Variants in WIPF1 observed in about 807,000 individuals in gnomAD.
WIPF1 encodes the protein WAS/WASL interacting protein family member 1.
In WIPF1, 13 loss-of-function variants were observed where a neutral mutation model predicts 35.4. The ratio of observed to expected loss-of-function variants is 0.37; its 90% CI spans 0.24 to 0.58. The LOEUF is 0.58. Among genes scored for constraint, WIPF1 ranks in the 20% least tolerant of loss-of-function variants. WIPF1 has a pLI of 0.74. For missense variants in WIPF1, 591 were observed against 667.0 expected (o/e 0.89, Z 1.25); for synonymous variants, 267 against 266.3 (o/e 1.00, Z -0.02).
intron 1 of WIPF1, among the ~76,000 whole-genome samples, chr2:174,662,489 C>T (rs1687799075): frequency 6.6e-6 from 1 of 152,196 alleles, no homozygotes; most frequent in East Asian, 1.9e-4. Context: ...AGCAGAGTCC[C>T]AGTCCTAGTC....
At chr2:174,614,110 A>G (rs1040494822) in intron 1 of WIPF1, among the ~76,000 whole-genome samples, 5 of 152,244 alleles carry the variant, frequency 3.3e-5, no homozygotes, top group African/African-American at 1.2e-4. Flanking sequence ...ATGCCCTACA[A>G]ATTTCCTAAA....
chr2:174,664,297 C>T (rs1311844772), intron 1 of WIPF1, among the ~76,000 whole-genome samples: 2 of 152,184 alleles, frequency 1.3e-5, no homozygotes, highest in African/African-American at 2.4e-5. Flanking sequence ...CGGAGGAGCT[C>T]GTTCACTCTC....
intron 3 of WIPF1, among the ~76,000 whole-genome samples, chr2:174,578,697 T>C (rs1354169929): frequency 1.3e-5 from 2 of 152,230 alleles, no homozygotes; most frequent in Non-Finnish European, 2.9e-5. Flanking sequence ...AAATTTGTGT[T>C]AGTTCTGTAT....
At chr2:174,626,010 A>T (rs764582693) in intron 1 of WIPF1, 3 of 152,226 alleles carry the variant, frequency 2.0e-5, no homozygotes, top group Non-Finnish European at 2.9e-5. Flanking sequence ...AAAACTACAT[A>T]ATATCTGTTT....
intron 1 of WIPF1, chr2:174,676,405 G>C (rs1688133411): frequency 7.0e-6 from 1 of 142,764 alleles, no homozygotes. Context: ...ACTTCCCTAG[G>C]CTTGAGTGAT....
At chr2:174,615,114 C>T (rs909271998) in intron 1 of WIPF1, among the ~76,000 whole-genome samples, 2 of 152,114 alleles carry the variant, frequency 1.3e-5, no homozygotes, top group African/African-American at 4.8e-5. Flanking sequence ...TGACTTTATT[C>T]TAAAATGCCA....
chr2:174,617,393 A>C (rs2105909348), intron 1 of WIPF1, among the ~76,000 whole-genome samples: 1 of 152,354 alleles, frequency 6.6e-6, no homozygotes, highest in Non-Finnish European at 1.5e-5. Context: ...AATCATAGGC[A>C]TCTGGAAAAG....
intron 1 of WIPF1, among the ~76,000 whole-genome samples, chr2:174,612,780 A>T (rs1686393635): frequency 3.9e-5 from 3 of 76,006 alleles, no homozygotes; most frequent in Non-Finnish European, 3.0e-5. Context: ...ATCTGGATTT[A>T]AAAAAAAATC....
At chr2:174,588,204 AG>A (rs1310953329) in intron 1 of WIPF1, among the ~76,000 whole-genome samples, 2 of 152,220 alleles carry the variant, frequency 1.3e-5, no homozygotes, top group Non-Finnish European at 1.5e-5. Context: ...TTACCAAGGA[AG>A]GGGGATAGCC....
At chr2:174,578,390 T>C (rs949852957) in intron 3 of WIPF1, among the ~76,000 whole-genome samples, 1 of 152,208 alleles carries the variant, frequency 6.6e-6, no homozygotes, top group Admixed American at 6.5e-5. Context: ...GCATTTGAAT[T>C]AGCTGTTTCT....
At chr2:174,637,261 C>T (rs1416843342) in intron 1 of WIPF1, among the ~76,000 whole-genome samples, 1 of 151,884 alleles carries the variant, frequency 6.6e-6, no homozygotes, top group Admixed American at 6.6e-5. Context: ...TTTTTAAGTA[C>T]TTCCTCACTT....
chr2:174,574,784 T>C lies in WIPF1; in HGVS notation c.358+420A>G, dbSNP rs1367218. Reference sequence around the variant, plus strand: ...AGATTTGTAATCATATTCCACAAGATGTGCTCCATCGTGTTTGAAAAGCGG... The same window carrying C: ...AGATTTGTAATCATATTCCACAAGACGTGCTCCATCGTGTTTGAAAAGCGG... On this transcript the variant is annotated intron_variant, in intron 4 of 7. Coordinates refer to ENST00000679041, the MANE Select transcript of WIPF1 (RefSeq NM_001375834.1). The C allele has an allele frequency of 0.96, 653,560 of 680,454 alleles. 314,182 individuals carry two copies. The highest frequency in any genetic ancestry group is 0.99 in the East Asian group (36,565 of 36,954). 42.2% of individuals were successfully genotyped at this position (680,454 alleles called of 1,614,324 possible).
At chr2:174,604,606 G>GAA (rs1373366737) in intron 1 of WIPF1, among the ~76,000 whole-genome samples, 1 of 152,034 alleles carries the variant, frequency 6.6e-6, no homozygotes, top group African/African-American at 2.4e-5. Context: ...ATAAGAAAAA[G>GAA]AACTAAAAAG....
intron 1 of WIPF1, among the ~76,000 whole-genome samples, chr2:174,609,030 A>G (rs1475421903): frequency 6.6e-6 from 1 of 152,208 alleles, no homozygotes; most frequent in East Asian, 1.9e-4. Flanking sequence ...CTGACTGCAT[A>G]TAAGCCAGGC....
At chr2:174,591,149 G>A (rs1042739287) in intron 1 of WIPF1, among the ~76,000 whole-genome samples, 1 of 152,188 alleles carries the variant, frequency 6.6e-6, no homozygotes, top group Non-Finnish European at 1.5e-5. Flanking sequence ...AAGTGAAGAC[G>A]CAGTGAGAAG....
upstream of WIPF1, among the ~76,000 whole-genome samples, chr2:174,602,037 A>AT (rs1686026642): frequency 6.6e-6 from 1 of 152,242 alleles, no homozygotes; most frequent in African/African-American, 2.4e-5. Context: ...AAGGCCTGAG[A>AT]TAAGTGGATT....
At chr2:174,633,960 G>C (rs989402657) in intron 1 of WIPF1, among the ~76,000 whole-genome samples, 2 of 151,918 alleles carry the variant, frequency 1.3e-5, no homozygotes, top group Non-Finnish European at 2.9e-5. Context: ...GGGGGAAGGA[G>C]GACAGTAGAA....
intron 1 of WIPF1, among the ~76,000 whole-genome samples, chr2:174,619,718 G>A (rs911665581): frequency 2.0e-5 from 3 of 152,168 alleles, no homozygotes; most frequent in African/African-American, 7.2e-5. Context: ...CAAGGTGGGA[G>A]GATCACTTGA....
chr2:174,660,000 G>C (rs537360488), intron 1 of WIPF1, among the ~76,000 whole-genome samples: 121 of 152,258 alleles, frequency 7.9e-4, no homozygotes, highest in African/African-American at 2.7e-3. Flanking sequence ...GGATGTGGAT[G>C]GTAATTTATA....
Sources: allele counts gnomAD v4.1 joint callset (sites outside exome capture counted in the v4.1 genomes callset), GRCh38; gene constraint gnomAD v4.1.1; transcripts MANE v1.5; gene names NCBI Gene and HGNC (gene_info 2026-07-23, HGNC 2026-07-21).